PAPPA2: variants seen among roughly 807,000 people sequenced by gnomAD.
PAPPA2 encodes the protein pappalysin-2.
Under a neutral mutation model 176.4 loss-of-function variants are expected in PAPPA2, and 86 were observed. That is an observed-to-expected ratio of 0.49 (90% confidence interval 0.41 to 0.58). The LOEUF (loss-of-function observed/expected upper bound fraction) is 0.58. Ranked by LOEUF, PAPPA2 falls within the 20% of genes least tolerant of loss-of-function variation. PAPPA2 has a pLI of 0.00. For missense variants in PAPPA2, 2,073 were observed against 2,256.9 expected (o/e 0.92, Z 1.65); for synonymous variants, 809 against 852.2 (o/e 0.95, Z 0.88).
intron 3 of PAPPA2, among the ~76,000 whole-genome samples, chr1:176,661,137 T>G (rs192566088): frequency 6.6e-6 from 1 of 152,248 alleles, no homozygotes; most frequent in Non-Finnish European, 1.5e-5. Context: ...CGCATTATTC[T>G]TTTGCTTAAA....
At chr1:176,720,912 A>C (rs1398921828) in intron 12 of PAPPA2, among the ~76,000 whole-genome samples, 3 of 152,180 alleles carry the variant, frequency 2.0e-5, no homozygotes, top group Non-Finnish European at 2.9e-5. Context: ...CTGATGCCCA[A>C]GGGGAAAGAG....
chr1:176,465,538 ACT>A (rs960117846), intron 1 of PAPPA2, among the ~76,000 whole-genome samples: 11 of 151,474 alleles, frequency 7.3e-5, no homozygotes, highest in African/African-American at 2.7e-4. Flanking sequence ...GGCTGCAAAA[ACT>A]CTGAAATTTA....
chr1:176,558,774 G>A (rs1651481328), intron 2 of PAPPA2, among the ~76,000 whole-genome samples: 1 of 152,092 alleles, frequency 6.6e-6, no homozygotes, highest in South Asian at 2.1e-4. Context: ...CATCTGCCAG[G>A]GAAACTGTGT....
intron 17 of PAPPA2, among the ~76,000 whole-genome samples, chr1:176,775,165 G>T (rs996153004): frequency 6.6e-6 from 1 of 152,086 alleles, no homozygotes; most frequent in Admixed American, 6.6e-5. Context: ...AAATGATCTG[G>T]TTACTCATCT....
chr1:176,784,134 G>A (rs780193184), intron 17 of PAPPA2, among the ~76,000 whole-genome samples: 1 of 152,180 alleles, frequency 6.6e-6, no homozygotes, highest in Non-Finnish European at 1.5e-5. Context: ...CTGACAGACA[G>A]CAAGTAGAAT....
chr1:176,721,348 A>G (rs12143099), intron 12 of PAPPA2, among the ~76,000 whole-genome samples: 28,890 of 152,092 alleles, frequency 0.19, 2,821 homozygotes, highest in Middle Eastern at 0.25. Context: ...ATGAATTTAA[A>G]TTCCCTAATA....
In PAPPA2 at chr1:176,795,957, A is replaced by G. The variant is rs190202209; in HGVS notation, c.5130+2288A>G. 1.6e-3 allele frequency among the ~76,000 whole-genome samples: 242 copies of G among 152,336 alleles called. 2 individuals are homozygous for G. The highest frequency in any genetic ancestry group is 1.6e-4 in the Non-Finnish European group (11 of 68,034). ...ATAAATAGTGCTTTAAATAAAAATG[A>G]CTGTTTTAAAGAGAAGGGAGAAGGA... On this transcript the variant is annotated intron_variant, in intron 20 of 22. Transcript: ENST00000367662.
At chr1:176,840,723 C>A (rs2102993133) in intron 22 of PAPPA2, among the ~76,000 whole-genome samples, 1 of 152,288 alleles carries the variant, frequency 6.6e-6, no homozygotes, top group East Asian at 1.9e-4. Flanking sequence ...TGAGCACTCT[C>A]TGGATTGTCT....
intron 17 of PAPPA2, among the ~76,000 whole-genome samples, chr1:176,778,270 C>T (rs1055324598): frequency 2.6e-5 from 4 of 152,070 alleles, no homozygotes; most frequent in Admixed American, 6.6e-5. Flanking sequence ...TCAAGTACTA[C>T]AGTGGCTTCA....
chr1:176,703,511 A>C (rs12757129), intron 9 of PAPPA2, among the ~76,000 whole-genome samples: 26,556 of 152,216 alleles, frequency 0.17, 2,481 homozygotes, highest in Middle Eastern at 0.23. Flanking sequence ...TGGGATGAGG[A>C]GGCTGGAAGC....
chr1:176,484,068 G>A (rs1652533873), intron 1 of PAPPA2, among the ~76,000 whole-genome samples: 1 of 152,130 alleles, frequency 6.6e-6, no homozygotes, highest in African/African-American at 2.4e-5. Context: ...CTACCTCCCT[G>A]GTCCAACCCA....
chr1:176,820,730 T>TGA (rs1264703116), intron 21 of PAPPA2, among the ~76,000 whole-genome samples: 2 of 152,136 alleles, frequency 1.3e-5, no homozygotes, highest in African/African-American at 4.8e-5. Flanking sequence ...TCCTGATTCA[T>TGA]ACTTGGCCAG....
chr1:176,463,243 T>A lies in PAPPA2; in HGVS notation c.-1092T>A, dbSNP rs985588243. 6.6e-6 allele frequency: 1 copy of A among 152,276 alleles called. No individual in the cohort carries two copies. Among genetic ancestry groups the A allele is most frequent in the African/African-American group, 2.4e-5 (1 of 41,470 alleles). The allele number at this position is 152,276 out of a possible 1,614,324, so 9.4% of individuals were successfully genotyped here. A position where few individuals can be genotyped will look rare whatever the true frequency, so the allele number is the denominator to read the frequency against. ...TGTGTACTTTTTGCTTTGTGATACA[T>A]CTCTGCACTTTCAGTATTTTCCAAC... On this transcript the variant is annotated 5_prime_UTR_variant, in exon 1 of 23. Coordinates refer to ENST00000367662, the MANE Select transcript of PAPPA2 (RefSeq NM_020318.3).
chr1:176,634,930 A>T (rs1481181298), intron 3 of PAPPA2, among the ~76,000 whole-genome samples: 1 of 151,198 alleles, frequency 6.6e-6, no homozygotes, highest in Admixed American at 6.6e-5. Context: ...GATGATGATG[A>T]TGATGATAGA....
At chr1:176,794,689 G>C (rs558482944) in intron 20 of PAPPA2, among the ~76,000 whole-genome samples, 2 of 152,198 alleles carry the variant, frequency 1.3e-5, no homozygotes, top group South Asian at 4.1e-4. Flanking sequence ...ATTTCTAAGA[G>C]CTTTTTATTG....
chr1:176,680,405 T>C (rs1296760255), intron 4 of PAPPA2, among the ~76,000 whole-genome samples: 10 of 146,260 alleles, frequency 6.8e-5, no homozygotes, highest in Non-Finnish European at 1.2e-4. Flanking sequence ...TTCAGTCTAG[T>C]TGGTTACCTA....
chr1:176,545,720 C>A (rs1406881033), intron 1 of PAPPA2, among the ~76,000 whole-genome samples: 1 of 152,108 alleles, frequency 6.6e-6, no homozygotes, highest in Non-Finnish European at 1.5e-5. Context: ...TGAGGGATGA[C>A]CATGCATACT....
intron 3 of PAPPA2, among the ~76,000 whole-genome samples, chr1:176,655,285 G>A (rs961700019): frequency 5.3e-5 from 8 of 151,796 alleles, no homozygotes; most frequent in African/African-American, 1.9e-4. Context: ...ATGAAGTGAT[G>A]TTGACTTTTT....
Position 176,556,870 on chromosome 1 carries a change from C to T in PAPPA2, c.548C>T (p.Pro183Leu). ...TTAIFTTLNEPKPETQRRGWA... is the reference protein window; with the variant it reads ...TTAIFTTLNELKPETQRRGWA... ...GCCATTTTCACAACCCTGAACGAAC[C>T]CAAACCAGAGACCCAAAGGAGGGGC... The change falls in exon 2 of 23, where the codon CCC becomes CTC. Residue 183 changes from proline (P) to leucine (L), a missense_variant. Pro to Leu is a moderately conservative substitution (Grantham distance 98). Coordinates refer to ENST00000367662, the MANE Select transcript of PAPPA2 (RefSeq NM_020318.3). 5 of 1,614,104 alleles carry T rather than the reference C, an allele frequency of 3.1e-6. No individual in the cohort carries two copies. Among genetic ancestry groups the T allele is most frequent in the Non-Finnish European group, 4.2e-6 (5 of 1,180,030 alleles).
Sources: gnomAD v4.1 joint callset for allele counts (sites outside exome capture counted in the v4.1 genomes callset) on GRCh38, gnomAD v4.1.1 for gene constraint, MANE v1.5 for transcripts, NCBI Gene and HGNC (gene_info 2026-07-23, HGNC 2026-07-21) for gene names.